CNTN6: variants seen among roughly 807,000 people sequenced by gnomAD.
CNTN6 encodes contactin 6.
A neutral mutation model predicts 122.8 loss-of-function variants in CNTN6; 137 were observed. That is an observed-to-expected ratio of 1.12 (90% CI 0.97 to 1.29). The LOEUF is 1.29. CNTN6 is among the 50% of genes most tolerant of loss of function. The pLI is 0.00. For missense variants in CNTN6, 1,634 were observed against 1,223.4 expected, an observed-to-expected ratio of 1.34 and a Z score of -5.01; for synonymous variants, 570 against 426.0, an observed-to-expected ratio of 1.34 and a Z score of -4.16.
chr3:1,325,734 T>C, intron 8 of CNTN6, 81 bp from the exon 9 acceptor site: 1 of 1,443,504 alleles, frequency 6.9e-7, no homozygotes, highest in Non-Finnish European at 9.3e-7. Flanking sequence ...GTCCTTCTGA[T>C]CTCTACAGCC....
intron 2 of CNTN6, among the ~76,000 whole-genome samples, chr3:1,189,300 G>A (rs1289865790): frequency 1.3e-5 from 2 of 152,160 alleles, no homozygotes; most frequent in East Asian, 1.9e-4. Context: ...AAGAGGTGGT[G>A]CCTTGTAAGA....
Position 1,179,132 on chromosome 3 carries a change from G to A in CNTN6, c.55+31069G>A, listed in dbSNP as rs185961477. Among the ~76,000 whole-genome samples, 52 of 152,196 alleles carry A rather than the reference G, an allele frequency of 3.4e-4. No homozygotes were observed. In the East Asian group the frequency reaches 9.9e-3, roughly 29 times the overall value. On this transcript the variant is annotated intron_variant, in intron 2 of 22. Coordinates refer to ENST00000446702, the MANE Select transcript of CNTN6 (RefSeq NM_001289080.2). The stretch of plus-strand genomic sequence containing the variant: ...AAAGAGGGAGCAAGAATGACAGGGG[G>A]AAGGTATCAGGCTCGTTTTAAACAA...
At chr3:1,398,767 T>C (rs1246739865) in intron 20 of CNTN6, among the ~76,000 whole-genome samples, 1 of 152,082 alleles carries the variant, frequency 6.6e-6, no homozygotes, top group African/African-American at 2.4e-5. Flanking sequence ...CAAATTCAAG[T>C]CTCTCTGACA....
In CNTN6 at chr3:1,149,637, C is replaced by T. The variant is rs554207552; in HGVS notation, c.55+1574C>T. Among the ~76,000 whole-genome samples the T allele has an allele frequency of 1.3e-5, 2 of 152,224 alleles. 1 individual carries two copies. Among genetic ancestry groups the T allele is most frequent in the East Asian group, 3.9e-4 (2 of 5,180 alleles). On this transcript the variant is annotated intron_variant, in intron 2 of 22. Transcript: ENST00000446702. Reference sequence around the variant, plus strand: ...GTGATTACAGTATTTTGATTGGTGACACCTCTAAGTCTCTGTAACAAAGAT... The same window carrying T: ...GTGATTACAGTATTTTGATTGGTGATACCTCTAAGTCTCTGTAACAAAGAT...
rs1031406526 is a variant in CNTN6, at chr3:1,247,058, T to A, written c.358+19065T>A. On this transcript the variant is annotated intron_variant, in intron 4 of 22. Transcript: ENST00000446702. ...ATTGGTCTTTTTCTTTTTGAGATGT[T>A]TTTTGTAAAAAGTTTAAGAACTGTT... 9.2e-5 allele frequency among the ~76,000 whole-genome samples: 14 copies of A among 152,322 alleles called. No individual in the cohort carries two copies. In the East Asian group the frequency reaches 1.3e-3, roughly 15 times the overall value.
At chr3:1,130,001 T>C (rs1357888871) in intron 1 of CNTN6, among the ~76,000 whole-genome samples, 1 of 152,082 alleles carries the variant, frequency 6.6e-6, no homozygotes, top group Non-Finnish European at 1.5e-5. Flanking sequence ...GTTTAAGAAG[T>C]AGTTTAAAAA....
At chr3:1,167,916 CATTT>C (rs1366087680) in intron 2 of CNTN6, among the ~76,000 whole-genome samples, 2 of 151,926 alleles carry the variant, frequency 1.3e-5, no homozygotes, top group Non-Finnish European at 2.9e-5. Context: ...TTTTTCATTT[CATTT>C]ATTTATTTTG....
chr3:1,354,834 C>T (rs905132022), intron 12 of CNTN6, among the ~76,000 whole-genome samples: 24 of 151,436 alleles, frequency 1.6e-4, no homozygotes, highest in Non-Finnish European at 3.0e-4. Context: ...AGAAAAAAAC[C>T]AACCTTTTTA....
At chr3:1,295,828 A>C in intron 6 of CNTN6, 24 bp downstream of exon 6, 1 of 1,600,502 alleles carries the variant, frequency 6.2e-7, no homozygotes, top group Non-Finnish European at 8.6e-7. Flanking sequence ...TTATCTTGGG[A>C]ATGTACTTTA....
chr3:1,321,768 T>A lies in CNTN6; in HGVS notation c.880T>A (p.Phe294Ile). 1 of 1,611,866 alleles carries A rather than the reference T, an allele frequency of 6.2e-7. No homozygotes were observed. Among genetic ancestry groups the A allele is most frequent in the South Asian group, 1.1e-5 (1 of 91,000 alleles). The change falls in exon 8 of 23, where the codon TTT becomes ATT. Residue 294 changes from phenylalanine to isoleucine, a missense_variant. Coordinates refer to ENST00000446702, the MANE Select transcript of CNTN6 (RefSeq NM_001289080.2). ...IPNFQQEDEGFYECIASNLRG... is the reference protein window; with the variant it reads ...IPNFQQEDEGIYECIASNLRG... ...GAACTTCCAACAAGAAGATGAAGGC[T>A]TTTATGAGTGCATTGCAAGCAACCT... is the stretch of plus-strand genomic sequence containing the variant.
chr3:1,256,313 A>C (rs1575444906), intron 4 of CNTN6, among the ~76,000 whole-genome samples: 1 of 152,304 alleles, frequency 6.6e-6, no homozygotes, highest in East Asian at 1.9e-4. Flanking sequence ...GAGAGGTAGC[A>C]ATGGAGACTA....
At chr3:1,098,787 CACATATATATATAT>C (rs1441374522) in intron 1 of CNTN6, among the ~76,000 whole-genome samples, 10 of 55,690 alleles carry the variant, frequency 1.8e-4, no homozygotes, top group Non-Finnish European at 2.9e-4. Context: ...CACACACACA[CACATATATATATAT>C]ATATATATAT....
Position 1,295,755 on chromosome 3 carries a change from C to T in CNTN6, c.609C>T (p.Ala203=). ...CTTGCTTTATAACTAACAAAGAGGC[C>T]CAGAGAAGTGTTCAAGGTCCACCCA... ...NYTCFITNKE[A]QRSVQGPPTP... Residue 203 remains alanine, a synonymous_variant, in exon 6 of 23, where the codon GCC becomes GCT. Transcript: ENST00000446702. 5.0e-6 allele frequency: 8 copies of T among 1,613,990 alleles called. No homozygotes were observed. Among genetic ancestry groups the T allele is most frequent in the Non-Finnish European group, 6.8e-6 (8 of 1,179,904 alleles).
chr3:1,125,144 G>A (rs191527459), intron 1 of CNTN6, among the ~76,000 whole-genome samples: 2 of 151,940 alleles, frequency 1.3e-5, no homozygotes, highest in East Asian at 3.9e-4. Flanking sequence ...AGATATGCCT[G>A]AGAAACAGAA....
chr3:1,211,352 C>T (rs1158774223), intron 2 of CNTN6, among the ~76,000 whole-genome samples: 2 of 152,148 alleles, frequency 1.3e-5, no homozygotes, highest in Non-Finnish European at 2.9e-5. Flanking sequence ...CTTTTAGATA[C>T]AGGCTTTCTA....
intron 20 of CNTN6, among the ~76,000 whole-genome samples, chr3:1,393,351 G>C (rs58414696): frequency 0.49 from 51,435 of 105,944 alleles, 12,833 homozygotes; most frequent in East Asian, 0.7. Flanking sequence ...GGTGGGAATT[G>C]AACAATGAGA....
Position 1,373,586 on chromosome 3 carries a change from T to G in CNTN6, c.1787-18T>G. 3 of 1,608,970 alleles carry G rather than the reference T, an allele frequency of 1.9e-6. No individual in the cohort carries two copies. Among genetic ancestry groups the G allele is most frequent in the Non-Finnish European group, 2.5e-6 (3 of 1,177,758 alleles). Reference sequence around the variant, plus strand: ...GTAAGTATCTCCAATGGAGTCATGATAAAACATTTTTTTCAAGGTCCACCA... The same window carrying G: ...GTAAGTATCTCCAATGGAGTCATGAGAAAACATTTTTTTCAAGGTCCACCA... On this transcript the variant is annotated intron_variant, in intron 14 of 22. Coordinates refer to ENST00000446702, the MANE Select transcript of CNTN6 (RefSeq NM_001289080.2).
intron 4 of CNTN6, among the ~76,000 whole-genome samples, chr3:1,250,909 G>T (rs926923325): frequency 1.5e-5 from 2 of 136,836 alleles, no homozygotes; most frequent in African/African-American, 5.5e-5. Context: ...CATCTCCTCC[G>T]TGCCATTTCC....
At chr3:1,221,679 G>A (rs2125525945) in intron 3 of CNTN6, among the ~76,000 whole-genome samples, 1 of 152,256 alleles carries the variant, frequency 6.6e-6, no homozygotes, top group East Asian at 1.9e-4. Flanking sequence ...CATATTGTGG[G>A]TGGAATTTAC....
Sources: gnomAD v4.1 joint callset for allele counts (sites outside exome capture counted in the v4.1 genomes callset) on GRCh38, gnomAD v4.1.1 for gene constraint, MANE v1.5 for transcripts, NCBI Gene and HGNC (gene_info 2026-07-23, HGNC 2026-07-21) for gene names.